The following KLRG1 variants were observed in gnomAD, a reference collection of about 807,000 sequenced individuals.
The protein encoded by KLRG1 is killer cell lectin-like receptor subfamily G member 1.
KLRG1 carries 16 observed loss-of-function variants against 21.8 expected under a neutral mutation model. The ratio of observed to expected loss-of-function variants is 0.73; its 90% confidence interval spans 0.50 to 1.11. The LOEUF (loss-of-function observed/expected upper bound fraction) is 1.11. Among genes scored for constraint, KLRG1 ranks in the 50% most tolerant of loss-of-function variants. KLRG1 has a pLI of 0.00. For synonymous variants in KLRG1, 69 were observed against 75.9 expected (o/e 0.91, Z 0.47); for missense variants, 173 against 218.3 (o/e 0.79, Z 1.31).
intron 1 of KLRG1, among the ~76,000 whole-genome samples, chr12:8,975,700 A>G (rs1425475335): frequency 6.6e-6 from 1 of 152,088 alleles, no homozygotes; most frequent in Non-Finnish European, 1.5e-5. Context: ...AGTAGCTGAG[A>G]CTACAGGCAT....
the KLRG1 span, among the ~76,000 whole-genome samples, chr12:9,063,028 A>G: frequency 1.3e-5 from 2 of 152,146 alleles, no homozygotes; most frequent in East Asian, 3.9e-4. Context: ...AAAACATTGT[A>G]AAGACTAAAA....
chr12:9,137,245 A>G, the KLRG1 span, among the ~76,000 whole-genome samples: 8 of 152,086 alleles, frequency 5.3e-5, 1 homozygote, highest in East Asian at 1.2e-3. Context: ...TGTTTTGCTT[A>G]TGGATATACA....
At chr12:9,009,338 A>G in intron 4 of KLRG1, 88 bp from the exon 5 acceptor site, 1 of 1,525,396 alleles carries the variant, frequency 6.6e-7, no homozygotes, top group Non-Finnish European at 8.8e-7. Flanking sequence ...AGGGAGACAG[A>G]ATTTGCTTCA....
the KLRG1 span, chr12:9,067,937 A>G: frequency 1.6e-6 from 2 of 1,212,628 alleles, no homozygotes; most frequent in South Asian, 1.3e-5. Context: ...TGCCCAAGGA[A>G]ACCTAATCAG....
At chr12:9,066,059 A>T in the KLRG1 span, 1 of 153,046 alleles carries the variant, frequency 6.5e-6, no homozygotes, top group Non-Finnish European at 1.5e-5. Context: ...TACTAACTGC[A>T]GGTCTCCTTC....
At chr12:9,207,703 T>C in the KLRG1 span, among the ~76,000 whole-genome samples, 4 of 152,294 alleles carry the variant, frequency 2.6e-5, no homozygotes, top group East Asian at 5.8e-4. Context: ...TAGGAGTTAA[T>C]GGAGACCACA....
At chr12:9,155,296 CT>C in the KLRG1 span, among the ~76,000 whole-genome samples, 13 of 151,688 alleles carry the variant, frequency 8.6e-5, no homozygotes, top group African/African-American at 2.4e-4. Context: ...TCTTTTCTTT[CT>C]TTTTTTTTCT....
At chr12:9,163,727 C>T in the KLRG1 span, 2 of 1,613,934 alleles carry the variant, frequency 1.2e-6, no homozygotes, top group Admixed American at 1.7e-5. Context: ...ACCTCAACAA[C>T]CTCATTTCCA....
At chr12:9,171,232 T>C in the KLRG1 span, among the ~76,000 whole-genome samples, 1 of 151,778 alleles carries the variant, frequency 6.6e-6, no homozygotes, top group Non-Finnish European at 1.5e-5. Flanking sequence ...GGGTCTGGAG[T>C]GGACCCCCAG....
chr12:9,096,015 T>G, the KLRG1 span, among the ~76,000 whole-genome samples: 2 of 151,966 alleles, frequency 1.3e-5, no homozygotes, highest in Non-Finnish European at 2.9e-5. Context: ...CGCCTCGGCC[T>G]CCCAAAGTGC....
At position 9,009,319 on chromosome 12, in the gene KLRG1, G is replaced by A; in HGVS notation, c.459-107G>A. 4.4e-6 allele frequency: 6 copies of A among 1,377,030 alleles called. No homozygotes were observed. The South Asian group carries it at 5.6e-5, about 13-fold the overall frequency. 85.3% of individuals were successfully genotyped at this position (1,377,030 alleles called of 1,614,324 possible). ...TCTTCTGCTGTTTGGGGGAATTAGG[G>A]GCCTGAATAGGGAGACAGAATTTGC... On this transcript the variant is annotated intron_variant, in intron 4 of 4. Transcript: ENST00000356986.
the KLRG1 span, chr12:9,202,505 A>C: frequency 6.2e-7 from 1 of 1,613,772 alleles, no homozygotes; most frequent in South Asian, 1.1e-5. Context: ...TGCCCCAAAC[A>C]GTGGAATTTC....
chr12:9,160,716 C>T, the KLRG1 span, among the ~76,000 whole-genome samples: 5 of 152,138 alleles, frequency 3.3e-5, no homozygotes, highest in African/African-American at 1.2e-4. Context: ...ATATCGAGAC[C>T]ATCCTGGTGA....
chr12:9,017,613 C>G, the KLRG1 span, among the ~76,000 whole-genome samples: 1 of 152,068 alleles, frequency 6.6e-6, no homozygotes, highest in Non-Finnish European at 1.5e-5. Flanking sequence ...AGACATACCT[C>G]AACACAATAA....
the KLRG1 span, chr12:9,067,431 C>T: frequency 3.5e-6 from 1 of 287,748 alleles, no homozygotes; most frequent in African/African-American, 2.2e-5. Flanking sequence ...CTGGTGAAGT[C>T]AGTCTTTTAT....
chr12:9,101,333 A>G, the KLRG1 span: 2 of 1,351,926 alleles, frequency 1.5e-6, no homozygotes, highest in Non-Finnish European at 2.1e-6. Flanking sequence ...TCAAACTTTC[A>G]AAAGGAACAT....
At chr12:9,070,386 A>C in the KLRG1 span, 1 of 795,140 alleles carries the variant, frequency 1.3e-6, no homozygotes, top group Non-Finnish European at 2.1e-6. Context: ...AGGCTTTGAT[A>C]GAGATTGACT....
intron 1 of KLRG1, among the ~76,000 whole-genome samples, chr12:8,953,052 C>T (rs984751299): frequency 1.3e-5 from 2 of 151,954 alleles, no homozygotes; most frequent in Non-Finnish European, 2.9e-5. Flanking sequence ...GTGACACCCC[C>T]CCCCCGCAAA....
chr12:9,211,515 C>A, the KLRG1 span, among the ~76,000 whole-genome samples: 4 of 151,876 alleles, frequency 2.6e-5, no homozygotes, highest in Admixed American at 6.6e-5. Flanking sequence ...ATTTAGTTGT[C>A]TATCTGTGTT....
Sources: allele counts gnomAD v4.1 joint callset (sites outside exome capture counted in the v4.1 genomes callset), GRCh38; gene constraint gnomAD v4.1.1; transcripts MANE v1.5; gene names NCBI Gene and HGNC (gene_info 2026-07-23, HGNC 2026-07-21).